OSBPL3: variants seen among roughly 807,000 people sequenced by gnomAD.
The protein encoded by OSBPL3 is oxysterol-binding protein-related protein 3.
Under a neutral mutation model 120.1 loss-of-function variants are expected in OSBPL3, and 65 were observed. The ratio of observed to expected loss-of-function variants is 0.54; its 90% CI spans 0.44 to 0.67. OSBPL3 has a LOEUF of 0.67. Ranked by LOEUF, OSBPL3 falls within the 30% of genes least tolerant of loss-of-function variation. The pLI is 0.00. For synonymous variants in OSBPL3, 416 were observed against 402.6 expected (o/e 1.03, Z -0.40); for missense variants, 1,004 against 1,082.1 (o/e 0.93, Z 1.01).
chr7:24,914,890 C>T (rs978064148), intron 1 of OSBPL3, among the ~76,000 whole-genome samples: 4 of 152,156 alleles, frequency 2.6e-5, no homozygotes, highest in Non-Finnish European at 4.4e-5. Context: ...CATACAACTT[C>T]AACTGGAAAT....
rs1554404721 is a variant in OSBPL3 at position 24,916,922 on chromosome 7, C to CCA, written c.-149-24302_-149-24301insTG. On this transcript the variant is annotated intron_variant, in intron 1 of 22. Transcript: ENST00000313367. This position sits in a 1 kb window ranked among gnomAD's most constrained non-coding sequence, Gnocchi z 4.9. The stretch of plus-strand genomic sequence containing the variant: ...ACTAAGACGTCTTCCATTTCCACCC[C>CCA]CCCCAACCTTTTTAGAAAATTAAAT... Among the ~76,000 whole-genome samples the CCA allele has an allele frequency of 1.6e-5, 2 of 126,600 alleles. No individual in the cohort carries two copies. The highest frequency in any genetic ancestry group is 5.2e-5 in the African/African-American group (2 of 38,206). The allele number at this position is 126,600 out of a possible 152,430, so 83.1% of individuals were successfully genotyped here.
intron 1 of OSBPL3, among the ~76,000 whole-genome samples, chr7:24,934,141 C>T (rs1013095039): frequency 6.6e-6 from 1 of 152,120 alleles, no homozygotes; most frequent in Non-Finnish European, 1.5e-5. Flanking sequence ...CAATACAGGC[C>T]TCATTTTAAA....
In OSBPL3 at chr7:24,946,372, T is replaced by C. The variant is rs1471019954; in HGVS notation, c.-150+33514A>G. On this transcript the variant is annotated intron_variant, in intron 1 of 22. Transcript: ENST00000313367. The surrounding 1 kb of genome is among the most constrained non-coding windows in gnomAD (Gnocchi z 4.3). ...GTTGGAGCAGACACAAACCAACTCG[T>C]ATTTAAGAGAAGGGTACACAGACCT... Among the ~76,000 whole-genome samples, 2 of 152,152 alleles carry C rather than the reference T, an allele frequency of 1.3e-5. No homozygotes were observed.
rs368428319 is a variant in OSBPL3 at position 24,918,801 on chromosome 7, G to A, written c.-149-26180C>T. Among the ~76,000 whole-genome samples the A allele has an allele frequency of 4.4e-4, 67 of 152,250 alleles. 1 individual carries two copies. The highest frequency in any genetic ancestry group is 1.6e-3 in the African/African-American group (66 of 41,554). On this transcript the variant is annotated intron_variant, in intron 1 of 22. Transcript: ENST00000313367. The surrounding 1 kb of genome is among the most constrained non-coding windows in gnomAD (Gnocchi z 4.3). Reference sequence around the variant, plus strand: ...ACCCTGGAGAAAATACTTTCTAAATGGAAGAAGAATGATTTTAAGGAAGAA... The same window carrying A: ...ACCCTGGAGAAAATACTTTCTAAATAGAAGAAGAATGATTTTAAGGAAGAA...
intron 5 of OSBPL3, 70 bp downstream of exon 5, chr7:24,870,662 A>T: frequency 1.0e-6 from 1 of 954,100 alleles, no homozygotes; most frequent in Non-Finnish European, 1.7e-6. Flanking sequence ...AAAAGGCATT[A>T]CCAATAGTAT....
In OSBPL3 at chr7:24,867,528, A is replaced by G. The variant is rs1037909661; in HGVS notation, c.382-1291T>C. 7.2e-5 allele frequency among the ~76,000 whole-genome samples: 11 copies of G among 152,134 alleles called. No individual in the cohort carries two copies. The highest frequency in any genetic ancestry group is 1.9e-4 in the African/African-American group (8 of 41,408). Reference sequence around the variant, plus strand: ...TCTCGTGGTGGTGCGTGGGTCTCGCAAGATCTGGTGGTATTATAAAGTGGT... The same window carrying G: ...TCTCGTGGTGGTGCGTGGGTCTCGCGAGATCTGGTGGTATTATAAAGTGGT... On this transcript the variant is annotated intron_variant, in intron 5 of 22. Transcript: ENST00000313367. This position sits in a 1 kb window ranked among gnomAD's most constrained non-coding sequence, Gnocchi z 4.5.
intron 16 of OSBPL3, among the ~76,000 whole-genome samples, chr7:24,829,017 C>G (rs1032514313): frequency 6.6e-6 from 1 of 152,188 alleles, no homozygotes; most frequent in African/African-American, 2.4e-5. Context: ...ACTGTGCCAC[C>G]ATGGGAAATA....
chr7:24,866,599 C>G (rs1442414058), intron 5 of OSBPL3, among the ~76,000 whole-genome samples: 1 of 151,974 alleles, frequency 6.6e-6, no homozygotes, highest in Admixed American at 6.5e-5. Context: ...CGAGATTGAG[C>G]CACTGCACTC....
At position 24,835,917 on chromosome 7, in the gene OSBPL3, GAGT is replaced by G. The variant is rs1209114897; in HGVS notation, c.1496-1184_1496-1182del. On this transcript the variant is annotated intron_variant, in intron 14 of 22. Coordinates refer to ENST00000313367, the MANE Select transcript of OSBPL3 (RefSeq NM_015550.4). The surrounding 1 kb of genome is among the most constrained non-coding windows in gnomAD (Gnocchi z 4.8). ...ACACCAGGGCCTACTGGAATGTGGA[GAGT>G]GGGTGGAGGGTGGGTAGTGGGTGAG... is the stretch of plus-strand genomic sequence containing the variant. Among the ~76,000 whole-genome samples, 9 of 152,078 alleles carry G rather than the reference GAGT, an allele frequency of 5.9e-5. No individual in the cohort carries two copies. The highest frequency in any genetic ancestry group is 1.2e-4 in the Non-Finnish European group (8 of 68,012).
chr7:24,829,149 G>T (rs1796077545), intron 16 of OSBPL3, among the ~76,000 whole-genome samples: 2 of 152,286 alleles, frequency 1.3e-5, no homozygotes, highest in African/African-American at 4.8e-5. Context: ...ATTGTCTGCT[G>T]TAGTTTGAGG....
intron 2 of OSBPL3, among the ~76,000 whole-genome samples, chr7:24,889,830 A>G (rs1278658843): frequency 6.6e-6 from 1 of 152,224 alleles, no homozygotes; most frequent in African/African-American, 2.4e-5. Context: ...AGAGCTTTAA[A>G]GATCTGCTTG....
Position 24,979,926 on chromosome 7 carries a change from G to A in OSBPL3, c.-190C>T. On this transcript the variant is annotated 5_prime_UTR_variant, in exon 1 of 23. Coordinates refer to ENST00000313367, the MANE Select transcript of OSBPL3 (RefSeq NM_015550.4). ...CCGGAGACGCTCCCTAGTTCCCCGG[G>A]GCCGGGCTCCGGGGTTAGCGCACAG... is the stretch of plus-strand genomic sequence containing the variant. The A allele has an allele frequency of 4.1e-6, 4 of 971,886 alleles. No homozygotes were observed. The highest frequency in any genetic ancestry group is 4.9e-6 in the Non-Finnish European group (4 of 823,408). 60.2% of individuals were successfully genotyped at this position (971,886 alleles called of 1,614,324 possible).
intron 19 of OSBPL3, among the ~76,000 whole-genome samples, chr7:24,812,899 T>G (rs1183034941): frequency 1.3e-5 from 2 of 151,090 alleles, no homozygotes; most frequent in Non-Finnish European, 3.0e-5. Flanking sequence ...TTTTTGATGA[T>G]ACAGGGTCTT....
At chr7:24,928,343 C>T (rs1211432590) in intron 1 of OSBPL3, among the ~76,000 whole-genome samples, 3 of 152,052 alleles carry the variant, frequency 2.0e-5, no homozygotes, top group East Asian at 1.9e-4. Context: ...AGGCGCCCGC[C>T]ACCACACCCG....
intron 5 of OSBPL3, among the ~76,000 whole-genome samples, chr7:24,866,483 C>T (rs1801334774): frequency 6.6e-6 from 1 of 151,872 alleles, no homozygotes; most frequent in Admixed American, 6.6e-5. Flanking sequence ...ACAAAAAATA[C>T]CAAAAAAATT....
rs1038813187 is a variant in OSBPL3, at chr7:24,813,516, T to G, written c.2172+1543A>C. ...CTTCAGGTTGCCTTTTGTTTCTGTT[T>G]GCAGAGAGCTTAGACAAAGCTTTCA... On this transcript the variant is annotated intron_variant, in intron 19 of 22. Coordinates refer to ENST00000313367, the MANE Select transcript of OSBPL3 (RefSeq NM_015550.4). The surrounding 1 kb of genome is among the most constrained non-coding windows in gnomAD (Gnocchi z 4.5). Among the ~76,000 whole-genome samples the G allele has an allele frequency of 5.9e-5, 9 of 152,200 alleles. No individual in the cohort carries two copies. Among genetic ancestry groups the G allele is most frequent in the Non-Finnish European group, 1.3e-4 (9 of 68,032 alleles).
chr7:24,889,769 T>C lies in OSBPL3; in HGVS notation c.96+2608A>G, dbSNP rs1004838355. Among the ~76,000 whole-genome samples, 3 of 152,180 alleles carry C rather than the reference T, an allele frequency of 2.0e-5. No homozygotes were observed. In the South Asian group the frequency reaches 6.2e-4, roughly 32 times the overall value. ...AGGCTGGGACCTGAGCCAGGCTCACTACTGGAAATCTGAAACTGTGGAGGG... is the reference window on the plus strand; with the variant it reads ...AGGCTGGGACCTGAGCCAGGCTCACCACTGGAAATCTGAAACTGTGGAGGG... On this transcript the variant is annotated intron_variant, in intron 2 of 22. Coordinates refer to ENST00000313367, the MANE Select transcript of OSBPL3 (RefSeq NM_015550.4).
In OSBPL3 at chr7:24,803,840, T is replaced by C. The variant is rs1324790149; in HGVS notation, c.2567+475A>G. On this transcript the variant is annotated intron_variant, in intron 22 of 22. Coordinates refer to ENST00000313367, the MANE Select transcript of OSBPL3 (RefSeq NM_015550.4). The surrounding 1 kb of genome is among the most constrained non-coding windows in gnomAD (Gnocchi z 4.2). ...AAGTTATTTTAAAGATAACAGTAAA[T>C]GTAAGCCCAAGTGTACTGGAACTTC... Among the ~76,000 whole-genome samples, 1 of 152,126 alleles carries C rather than the reference T, an allele frequency of 6.6e-6. No homozygotes were observed. The highest frequency in any genetic ancestry group is 1.5e-5 in the Non-Finnish European group (1 of 68,018).
chr7:24,889,395 A>G (rs1804997154), intron 2 of OSBPL3, among the ~76,000 whole-genome samples: 1 of 152,224 alleles, frequency 6.6e-6, no homozygotes. Flanking sequence ...AGTTCATAAT[A>G]CTGCATTATT....
Sources: allele counts gnomAD v4.1 joint callset (sites outside exome capture counted in the v4.1 genomes callset), GRCh38; gene constraint gnomAD v4.1.1; non-coding constraint Gnocchi (gnomAD v3.1); transcripts MANE v1.5; gene names NCBI Gene and HGNC (gene_info 2026-07-23, HGNC 2026-07-21).